The following RAB31 variants were observed in gnomAD, a reference collection of about 807,000 sequenced individuals.
RAB31 encodes the protein RAB31, member RAS oncogene family, also known as ras-related protein Rab-31.
A neutral mutation model predicts 25.6 loss-of-function variants in RAB31; 21 were observed. The observed-to-expected ratio is 0.82, with a 90% confidence interval of 0.58 to 1.18. RAB31 has a LOEUF of 1.18. Ranked by LOEUF, RAB31 falls within the 50% of genes most tolerant of loss-of-function variation. The pLI is 0.00. For missense variants in RAB31, 196 were observed against 250.1 expected (o/e 0.78, Z 1.46); for synonymous variants, 87 against 84.0 (o/e 1.04, Z -0.20).
At chr18:9,830,634 G>GT (rs916305845) in intron 5 of RAB31, 4 of 152,024 alleles carry the variant, frequency 2.6e-5, no homozygotes, top group Admixed American at 2.6e-4. Context: ...AGGCTGTGTT[G>GT]TTTTTTCATC....
At chr18:9,723,169 T>C (rs553348753) in intron 1 of RAB31, among the ~76,000 whole-genome samples, 1 of 152,260 alleles carries the variant, frequency 6.6e-6, no homozygotes, top group South Asian at 2.1e-4. Flanking sequence ...TGCCTCATCC[T>C]CCCGAGTAGC....
At chr18:9,717,398 T>G (rs1193114575) in intron 1 of RAB31, among the ~76,000 whole-genome samples, 1 of 152,146 alleles carries the variant, frequency 6.6e-6, no homozygotes, top group Non-Finnish European at 1.5e-5. Flanking sequence ...CAGAGGTGCC[T>G]AGGAGACTCG....
intron 5 of RAB31, among the ~76,000 whole-genome samples, chr18:9,845,203 C>A (rs1247750604): frequency 1.3e-5 from 2 of 152,144 alleles, no homozygotes; most frequent in African/African-American, 4.8e-5. Flanking sequence ...CATGTGTGCA[C>A]AAACATACTA....
chr18:9,787,260 C>T (rs139029520), intron 2 of RAB31: 52 of 218,952 alleles, frequency 2.4e-4, no homozygotes, highest in Middle Eastern at 5.0e-4. Context: ...AGGGAAAAAC[C>T]TTACAAATGA....
chr18:9,721,913 G>A (rs2145459239), intron 1 of RAB31, among the ~76,000 whole-genome samples: 1 of 152,260 alleles, frequency 6.6e-6, no homozygotes, highest in Middle Eastern at 3.4e-3. Context: ...AGGGGCTTGA[G>A]AAGGCATTTC....
intron 1 of RAB31, chr18:9,757,952 C>T (rs1349260187): frequency 6.6e-6 from 1 of 152,222 alleles, no homozygotes; most frequent in Non-Finnish European, 1.5e-5. Flanking sequence ...TACCATAAAT[C>T]TTGTCCTTAG....
chr18:9,858,377 A>G (rs190490208), intron 6 of RAB31, among the ~76,000 whole-genome samples: 191 of 152,348 alleles, frequency 1.3e-3, no homozygotes, highest in African/African-American at 4.1e-3. Context: ...TTCAGAAAAC[A>G]ACTTTATTGA....
intron 1 of RAB31, among the ~76,000 whole-genome samples, chr18:9,769,620 C>G (rs1295123292): frequency 6.6e-6 from 1 of 152,228 alleles, no homozygotes; most frequent in Non-Finnish European, 1.5e-5. Flanking sequence ...AATATGCAAT[C>G]ATGTCATCTG....
At chr18:9,826,858 G>A (rs987532294) in intron 5 of RAB31, among the ~76,000 whole-genome samples, 2 of 152,006 alleles carry the variant, frequency 1.3e-5, no homozygotes, top group African/African-American at 2.4e-5. Flanking sequence ...GATCCTCCGC[G>A]AAGGAGGGAA....
At chr18:9,837,845 C>T (rs1450690205) in intron 5 of RAB31, among the ~76,000 whole-genome samples, 1 of 152,118 alleles carries the variant, frequency 6.6e-6, no homozygotes, top group Admixed American at 6.5e-5. Context: ...GCTGATCTGG[C>T]CTGTGCTCCC....
At chr18:9,739,985 C>G (rs1414163858) in intron 1 of RAB31, among the ~76,000 whole-genome samples, 2 of 152,202 alleles carry the variant, frequency 1.3e-5, no homozygotes, top group Non-Finnish European at 2.9e-5. Flanking sequence ...TTGTGTCTTC[C>G]TTGGCTAGAG....
chr18:9,718,772 T>G (rs1351996289), intron 1 of RAB31, among the ~76,000 whole-genome samples: 1 of 152,136 alleles, frequency 6.6e-6, no homozygotes, highest in East Asian at 1.9e-4. Context: ...GGTTGCAGAC[T>G]GAGTCTTCCC....
intron 3 of RAB31, among the ~76,000 whole-genome samples, chr18:9,810,626 A>G (rs1297671452): frequency 6.6e-6 from 1 of 152,228 alleles, no homozygotes; most frequent in Admixed American, 6.5e-5. Context: ...AGAATGAGTA[A>G]TGCATTATAT....
chr18:9,760,553 A>G (rs138425767), intron 1 of RAB31, among the ~76,000 whole-genome samples: 69 of 152,226 alleles, frequency 4.5e-4, no homozygotes, highest in African/African-American at 1.5e-3. Flanking sequence ...TGCATTTCAA[A>G]TAGAATGATC....
chr18:9,730,993 G>T (rs990380748), intron 1 of RAB31, among the ~76,000 whole-genome samples: 3 of 152,204 alleles, frequency 2.0e-5, no homozygotes. Flanking sequence ...AGAGTTCCAT[G>T]TGAGCCTCAC....
At chr18:9,800,545 C>A (rs968520684) in intron 3 of RAB31, among the ~76,000 whole-genome samples, 1 of 152,160 alleles carries the variant, frequency 6.6e-6, no homozygotes, top group Non-Finnish European at 1.5e-5. Context: ...TGTACTTTTT[C>A]CTTGGCAGGG....
At chr18:9,859,055 G>A (rs76962389) in intron 6 of RAB31, among the ~76,000 whole-genome samples, 173 bp from the exon 7 acceptor site, 9,928 of 152,162 alleles carry the variant, frequency 0.065, 1,095 homozygotes, top group African/African-American at 0.23. Context: ...GGGAGGAAAG[G>A]ATAGGAAGAA....
chr18:9,743,579 A>G (rs1034789432), intron 1 of RAB31, among the ~76,000 whole-genome samples: 16 of 152,148 alleles, frequency 1.1e-4, no homozygotes, highest in Non-Finnish European at 1.9e-4. Context: ...GGTTTGGGAA[A>G]GCTCCTGGGT....
intron 1 of RAB31, among the ~76,000 whole-genome samples, chr18:9,748,326 A>G (rs2145476874): frequency 6.6e-6 from 1 of 152,000 alleles, no homozygotes; most frequent in Non-Finnish European, 1.5e-5. Flanking sequence ...GTGAGACCCT[A>G]TCTCTACCCC....
Sources: allele counts gnomAD v4.1 joint callset (sites outside exome capture counted in the v4.1 genomes callset), GRCh38; gene constraint gnomAD v4.1.1; transcripts MANE v1.5; gene names NCBI Gene and HGNC (gene_info 2026-07-23, HGNC 2026-07-21).